The following ATOSA variants were observed in gnomAD, a reference collection of about 807,000 sequenced individuals.
ATOSA encodes the protein atos homolog A, also known as atos homolog protein A.
the ATOSA span, among the ~76,000 whole-genome samples, chr15:52,684,747 TC>T: frequency 6.6e-6 from 1 of 152,318 alleles, no homozygotes; most frequent in Admixed American, 6.5e-5. Flanking sequence ...TTTTTAAAGT[TC>T]TTTAAAGAGA....
the ATOSA span, among the ~76,000 whole-genome samples, chr15:52,583,008 T>C: frequency 2.0e-5 from 3 of 152,202 alleles, no homozygotes; most frequent in Admixed American, 2.0e-4. Context: ...ATAGCATAAA[T>C]ACTCTCTGGG....
chr15:52,608,785 C>G, the ATOSA span: 1 of 1,604,280 alleles, frequency 6.2e-7, no homozygotes, highest in South Asian at 1.1e-5. Flanking sequence ...TGTCTTAGGC[C>G]TTTTTGAGTC....
At chr15:52,704,337 C>T in the ATOSA span, among the ~76,000 whole-genome samples, 4 of 152,130 alleles carry the variant, frequency 2.6e-5, no homozygotes, top group Non-Finnish European at 4.4e-5. Flanking sequence ...CTTCCTTACA[C>T]CTTATACAAA....
chr15:52,611,803 A>G, the ATOSA span: 3 of 1,607,156 alleles, frequency 1.9e-6, no homozygotes, highest in Non-Finnish European at 2.6e-6. Flanking sequence ...TATAAGCAAA[A>G]TGTCTCAAAA....
the ATOSA span, among the ~76,000 whole-genome samples, chr15:52,692,686 G>T: frequency 0.026 from 3,937 of 152,098 alleles, 73 homozygotes; most frequent in Non-Finnish European, 0.037. Flanking sequence ...TTAGAGATGG[G>T]GTCTCACTCT....
At chr15:52,587,189 T>C in the ATOSA span, 1 of 1,613,180 alleles carries the variant, frequency 6.2e-7, no homozygotes, top group Non-Finnish European at 8.5e-7. Flanking sequence ...CGATAACCCC[T>C]TTTACCAAGG....
chr15:52,680,073 T>A, the ATOSA span, among the ~76,000 whole-genome samples: 2 of 149,828 alleles, frequency 1.3e-5, no homozygotes, highest in East Asian at 4.1e-4. Flanking sequence ...ATAATCTTCA[T>A]AACTTCTAAA....
the ATOSA span, among the ~76,000 whole-genome samples, chr15:52,694,113 C>T: frequency 6.6e-6 from 1 of 151,498 alleles, no homozygotes; most frequent in Non-Finnish European, 1.5e-5. Context: ...CACTTAATCC[C>T]TCAGCTGAGT....
At chr15:52,597,070 G>A in the ATOSA span, among the ~76,000 whole-genome samples, 2 of 152,186 alleles carry the variant, frequency 1.3e-5, no homozygotes, top group African/African-American at 4.8e-5. Context: ...ACTCTCATAC[G>A]ATGCTGATGC....
the ATOSA span, chr15:52,614,037 G>T: frequency 1.7e-6 from 1 of 590,020 alleles, no homozygotes; most frequent in Non-Finnish European, 3.0e-6. Flanking sequence ...GAAGTGAGGA[G>T]ATGATGGATA....
At chr15:52,611,585 C>A in the ATOSA span, 2 of 1,613,872 alleles carry the variant, frequency 1.2e-6, no homozygotes, top group African/African-American at 2.7e-5. Context: ...TGTCGAGGAA[C>A]TGGCTCCAAG....
chr15:52,622,960 TATAAATAAATAAATAAATAAATAAATAA>T, the ATOSA span, among the ~76,000 whole-genome samples: 133 of 136,168 alleles, frequency 9.8e-4, no homozygotes, highest in African/African-American at 3.5e-3. Flanking sequence ...CTGTCCCTAT[TATAAATAAATAAATAAATAAATAAATAA>T]ATAAATAAAT....
the ATOSA span, among the ~76,000 whole-genome samples, chr15:52,661,676 C>A: frequency 2.6e-5 from 4 of 151,902 alleles, no homozygotes; most frequent in Non-Finnish European, 1.5e-5. Flanking sequence ...CTTAGAGTAC[C>A]CTGGTAAATA....
the ATOSA span, among the ~76,000 whole-genome samples, chr15:52,689,926 A>G: frequency 6.6e-6 from 1 of 152,330 alleles, no homozygotes; most frequent in South Asian, 2.1e-4. Context: ...GCCAAAAGCT[A>G]TAGTTAGGCT....
chr15:52,672,050 G>A, the ATOSA span, among the ~76,000 whole-genome samples: 1 of 150,938 alleles, frequency 6.6e-6, no homozygotes, highest in African/African-American at 2.4e-5. Flanking sequence ...TTTAATAAGA[G>A]TCTGGGCCAG....
At chr15:52,639,881 G>T in the ATOSA span, among the ~76,000 whole-genome samples, 1 of 151,760 alleles carries the variant, frequency 6.6e-6, no homozygotes, top group Non-Finnish European at 1.5e-5. Context: ...CTCCCAAGTA[G>T]CTAGGATTAC....
the ATOSA span, among the ~76,000 whole-genome samples, chr15:52,662,739 C>T: frequency 1.4e-5 from 2 of 143,958 alleles, no homozygotes; most frequent in South Asian, 2.2e-4. Flanking sequence ...CACTGCACTC[C>T]AGCCTGAGCG....
the ATOSA span, chr15:52,657,599 T>C: frequency 6.6e-6 from 1 of 152,316 alleles, no homozygotes; most frequent in African/African-American, 2.4e-5. Context: ...ACTCATTGAC[T>C]GTGTGTTTAG....
chr15:52,635,473 A>G, the ATOSA span, among the ~76,000 whole-genome samples: 1 of 152,078 alleles, frequency 6.6e-6, no homozygotes, highest in South Asian at 2.1e-4. Flanking sequence ...TGGGAGGACC[A>G]CTTGAGCTCA....
Sources: allele counts gnomAD v4.1 joint callset (sites outside exome capture counted in the v4.1 genomes callset), GRCh38; gene constraint gnomAD v4.1.1; transcripts MANE v1.5; gene names NCBI Gene and HGNC (gene_info 2026-07-23, HGNC 2026-07-21).